The following PIK3AP1 variants were observed in gnomAD, a reference collection of about 807,000 sequenced individuals.
The protein encoded by PIK3AP1 is phosphoinositide 3-kinase adapter protein 1.
In PIK3AP1, 21 loss-of-function variants were observed where a neutral mutation model predicts 88.1. The ratio of observed to expected loss-of-function variants is 0.24; its 90% CI spans 0.17 to 0.34. PIK3AP1 has a LOEUF of 0.34. Ranked by LOEUF, PIK3AP1 falls within the 10% of genes least tolerant of loss-of-function variation. The pLI is 1.00. For missense variants in PIK3AP1, 828 were observed against 1,035.7 expected, an observed-to-expected ratio of 0.80 and a Z score of 2.75; for synonymous variants, 398 against 400.0, an observed-to-expected ratio of 1.00 and a Z score of 0.06.
At chr10:96,688,896 C>A (rs1196680400) in intron 2 of PIK3AP1, among the ~76,000 whole-genome samples, 1 of 151,966 alleles carries the variant, frequency 6.6e-6, no homozygotes, top group Non-Finnish European at 1.5e-5. Flanking sequence ...ACCCCCACCC[C>A]CCATCTTTCA....
intron 2 of PIK3AP1, among the ~76,000 whole-genome samples, chr10:96,700,282 G>T (rs925692662): frequency 6.6e-6 from 1 of 152,200 alleles, no homozygotes; most frequent in Non-Finnish European, 1.5e-5. Flanking sequence ...AGATCTCTCG[G>T]CTTTGCAGGA....
In PIK3AP1 at chr10:96,655,136, C is replaced by T. The variant is rs184128351; in HGVS notation, c.567+1662G>A. Among the ~76,000 whole-genome samples, 125 of 152,290 alleles carry T rather than the reference C, an allele frequency of 8.2e-4. 1 individual carries two copies. The highest frequency in any genetic ancestry group is 6.9e-3 in the Admixed American group (106 of 15,304). ...AACTCCTGAGCTCAAGGGATCCACC[C>T]GCCTCGGCCTCCCAAAGTCTTGGGA... is the stretch of plus-strand genomic sequence containing the variant. On this transcript the variant is annotated intron_variant, in intron 3 of 16. Transcript: ENST00000339364.
intron 2 of PIK3AP1, among the ~76,000 whole-genome samples, chr10:96,673,718 T>C (rs1351777697): frequency 6.6e-6 from 1 of 152,126 alleles, no homozygotes; most frequent in Non-Finnish European, 1.5e-5. Context: ...GACGGACAAA[T>C]GGGCTTTGTC....
chr10:96,598,623 C>T (rs1469856857), intron 16 of PIK3AP1, among the ~76,000 whole-genome samples: 2 of 152,114 alleles, frequency 1.3e-5, no homozygotes, highest in East Asian at 3.8e-4. Context: ...CACATCTACA[C>T]AAGGGTCGCA....
At chr10:96,642,059 C>T (rs951783579) in intron 8 of PIK3AP1, among the ~76,000 whole-genome samples, 21 of 152,106 alleles carry the variant, frequency 1.4e-4, no homozygotes, top group Non-Finnish European at 1.8e-4. Context: ...TTAAACTTGA[C>T]GCCACAGAGA....
At chr10:96,702,497 CAAAA>C (rs573292210) in intron 2 of PIK3AP1, among the ~76,000 whole-genome samples, 5 of 95,760 alleles carry the variant, frequency 5.2e-5, no homozygotes, top group South Asian at 3.4e-4. Context: ...GACTTCGTCT[CAAAA>C]AAAAAAAAAA....
chr10:96,642,500 GAAA>G (rs1015350921), intron 8 of PIK3AP1, among the ~76,000 whole-genome samples: 2 of 149,822 alleles, frequency 1.3e-5, no homozygotes, highest in African/African-American at 4.9e-5. Context: ...TAGAAAGAAA[GAAA>G]AAAAGGAAGG....
intron 10 of PIK3AP1, among the ~76,000 whole-genome samples, chr10:96,625,691 A>G (rs532440376): frequency 3.9e-5 from 6 of 152,250 alleles, no homozygotes; most frequent in Non-Finnish European, 8.8e-5. Flanking sequence ...CACACCTCCA[A>G]CAACATGATG....
chr10:96,637,969 A>G (rs897462790), intron 8 of PIK3AP1, among the ~76,000 whole-genome samples: 5 of 152,176 alleles, frequency 3.3e-5, no homozygotes, highest in Non-Finnish European at 7.3e-5. Context: ...ACTGAGAGTT[A>G]CACAATCAGC....
chr10:96,709,966 C>T lies in PIK3AP1; in HGVS notation c.31G>A (p.Asp11Asn), dbSNP rs138344015. ...TCCGGGCTGTAGACGATGAGGATGT[C>T]GCATCCTCTGGGCACCCCTGGACAA... MAASGVPRGC[D>N]ILIVYSPDAE... is the part of the protein sequence containing the mutation. The change falls in exon 2 of 17, where the codon GAC becomes AAC. Residue 11 changes from aspartate to asparagine, a missense_variant. Asp to Asn is a conservative substitution (Grantham distance 23). This residue lies in a region of PIK3AP1 where 610 missense variants were observed against 760.1 expected (regional missense o/e 0.80). Coordinates refer to ENST00000339364, the MANE Select transcript of PIK3AP1 (RefSeq NM_152309.3). 228 of 1,590,814 alleles carry T rather than the reference C, an allele frequency of 1.4e-4. 1 individual carries two copies. In the East Asian group the frequency reaches 3.9e-3, roughly 27 times the overall value.
intron 12 of PIK3AP1, among the ~76,000 whole-genome samples, chr10:96,617,448 G>A (rs935678082): frequency 6.6e-6 from 1 of 152,158 alleles, no homozygotes; most frequent in African/African-American, 2.4e-5. Flanking sequence ...AACTGGAAAG[G>A]GGGGTTGGTC....
chr10:96,707,043 T>C (rs1844373178), intron 2 of PIK3AP1, among the ~76,000 whole-genome samples: 1 of 152,192 alleles, frequency 6.6e-6, no homozygotes, highest in Admixed American at 6.5e-5. Context: ...CTTATTTTAA[T>C]CTCCCATTAA....
Position 96,637,314 on chromosome 10 carries a change from TCACACACACACA to T in PIK3AP1, c.1375+8147_1375+8158del, listed in dbSNP as rs55885337. On this transcript the variant is annotated intron_variant, in intron 8 of 16. Transcript: ENST00000339364. ...AGGAAGATGTGGGAGAGATATACAA[TCACACACACACA>T]CACACACACACACACACACACACAC... Among the ~76,000 whole-genome samples, 495 of 128,076 alleles carry T rather than the reference TCACACACACACA, an allele frequency of 3.9e-3. 1 individual carries two copies. The highest frequency in any genetic ancestry group is 0.013 in the African/African-American group (462 of 35,804). 84.0% of individuals were successfully genotyped at this position (128,076 alleles called of 152,430 possible). A position where few individuals can be genotyped will look rare whatever the true frequency, so the allele number is the denominator to read the frequency against.
chr10:96,717,670 G>A (rs1439830438), intron 1 of PIK3AP1, among the ~76,000 whole-genome samples: 2 of 152,224 alleles, frequency 1.3e-5, no homozygotes, highest in Non-Finnish European at 2.9e-5. Flanking sequence ...GAGACGGTAT[G>A]AGAGCTGATA....
chr10:96,699,173 A>G (rs554399584), intron 2 of PIK3AP1, among the ~76,000 whole-genome samples: 39 of 152,338 alleles, frequency 2.6e-4, no homozygotes, highest in African/African-American at 9.4e-4. Context: ...AACAAGGGCA[A>G]AACTCTGTCT....
intron 2 of PIK3AP1, among the ~76,000 whole-genome samples, chr10:96,687,783 C>T (rs1844094929): frequency 6.6e-6 from 1 of 152,122 alleles, no homozygotes; most frequent in South Asian, 2.1e-4. Flanking sequence ...AACACTAGAC[C>T]CACCCTTCCT....
At chr10:96,667,246 G>C (rs1843776738) in intron 2 of PIK3AP1, among the ~76,000 whole-genome samples, 1 of 152,188 alleles carries the variant, frequency 6.6e-6, no homozygotes, top group South Asian at 2.1e-4. Flanking sequence ...ACTATACAAT[G>C]TCTGGTACTC....
intron 3 of PIK3AP1, among the ~76,000 whole-genome samples, chr10:96,655,749 CTCTT>C (rs1284713673): frequency 6.6e-6 from 1 of 152,216 alleles, no homozygotes; most frequent in African/African-American, 2.4e-5. Flanking sequence ...AGTTATCTCT[CTCTT>C]TGCCTGCTGC....
At chr10:96,640,880 C>T (rs1843376695) in intron 8 of PIK3AP1, among the ~76,000 whole-genome samples, 4 of 152,038 alleles carry the variant, frequency 2.6e-5, no homozygotes, top group African/African-American at 9.7e-5. Context: ...CCAGGCTGGT[C>T]TCGAACTCCT....
Sources: allele counts gnomAD v4.1 joint callset (sites outside exome capture counted in the v4.1 genomes callset), GRCh38; gene constraint gnomAD v4.1.1; regional missense constraint gnomAD v4.1.1; transcripts MANE v1.5; gene names NCBI Gene and HGNC (gene_info 2026-07-23, HGNC 2026-07-21).